FREM1: variants seen among roughly 807,000 people sequenced by gnomAD.
The protein encoded by FREM1 is FRAS1-related extracellular matrix protein 1.
A neutral mutation model predicts 210.1 loss-of-function variants in FREM1; 220 were observed. The observed-to-expected ratio is 1.05, with a 90% CI of 0.94 to 1.17. The LOEUF is 1.17. FREM1 is among the 50% of genes most tolerant of loss of function. FREM1 has a pLI of 0.00. For synonymous variants in FREM1, 1,189 were observed against 980.2 expected, an observed-to-expected ratio of 1.21 and a Z score of -3.98; for missense variants, 3,454 against 2,675.5, an observed-to-expected ratio of 1.29 and a Z score of -6.42.
At chr9:14,756,921 T>A (rs901565465) in intron 28 of FREM1, among the ~76,000 whole-genome samples, 3 of 152,178 alleles carry the variant, frequency 2.0e-5, no homozygotes, top group Non-Finnish European at 4.4e-5. Flanking sequence ...TCCAGGGCAC[T>A]GAAAGCCTTT....
Position 14,813,016 on chromosome 9 carries a change from G to C in FREM1, c.2689C>G (p.Pro897Ala). The change falls in exon 16 of 37, where the codon CCT becomes GCT. Residue 897 changes from proline (P) to alanine (A), a missense_variant. Coordinates refer to ENST00000380880, the MANE Select transcript of FREM1 (RefSeq NM_001379081.2). ...EPPVLKADLM[P>A]VMNCSEGGEV... ...CCTCCCTCTGAGCAATTCATGACAG[G>C]CATGAGGTCAGCCTTTAAGACTGGT... 1 of 1,613,722 alleles carries C rather than the reference G, an allele frequency of 6.2e-7. No individual in the cohort carries two copies. The highest frequency in any genetic ancestry group is 8.5e-7 in the Non-Finnish European group (1 of 1,179,720).
chr9:14,759,652 G>C, intron 28 of FREM1, 120 bp downstream of exon 28: 1 of 866,356 alleles, frequency 1.2e-6, no homozygotes. Flanking sequence ...AGAATAGTGG[G>C]ATCTCCCTGC....
intron 17 of FREM1, among the ~76,000 whole-genome samples, chr9:14,807,095 G>C (rs1001942943): frequency 2.6e-5 from 4 of 152,208 alleles, no homozygotes; most frequent in Non-Finnish European, 5.9e-5. Flanking sequence ...GAAGATAACA[G>C]AAAGCCAGCA....
At position 14,765,788 on chromosome 9, in the gene FREM1, C is replaced by T. The variant is rs142588647; in HGVS notation, c.5204+3936G>A. On this transcript the variant is annotated intron_variant, in intron 27 of 36. Transcript: ENST00000380880. Reference sequence around the variant, plus strand: ...GAGGTGAAGAATCAGAGTGCAGAACCGGAGAAACAGTCACTGAATTATCAA... The same window carrying T: ...GAGGTGAAGAATCAGAGTGCAGAACTGGAGAAACAGTCACTGAATTATCAA... Among the ~76,000 whole-genome samples, 504 of 152,246 alleles carry T rather than the reference C, an allele frequency of 3.3e-3. 1 individual carries two copies. The highest frequency in any genetic ancestry group is 6.8e-3 in the Middle Eastern group (2 of 294).
rs35171130 is a variant in FREM1, at chr9:14,777,788, AC to A, written c.4443-1586del. Among the ~76,000 whole-genome samples, 162 of 152,192 alleles carry A rather than the reference AC, an allele frequency of 1.1e-3. 1 individual carries two copies. In the East Asian group the frequency reaches 0.023, roughly 21 times the overall value. ...CATTGATCCTTTTGAGCATGAAGAA[AC>A]CTGAAGCTATTAGATAGTGTGAAAG... On this transcript the variant is annotated intron_variant, in intron 24 of 36. Transcript: ENST00000380880.
rs1824617228 is a variant in FREM1, at chr9:14,836,381, G to T, written c.1881+5066C>A. On this transcript the variant is annotated intron_variant, in intron 10 of 36. Coordinates refer to ENST00000380880, the MANE Select transcript of FREM1 (RefSeq NM_001379081.2). The surrounding 1 kb of genome is among the most constrained non-coding windows in gnomAD (Gnocchi z 4.9). ...AGTTTTACTATCACTAAGTCTGCTA[G>T]GATTTTTTATTGGATTTAGTGATGC... is the stretch of plus-strand genomic sequence containing the variant. 6.6e-6 allele frequency among the ~76,000 whole-genome samples: 1 copy of T among 152,164 alleles called. No homozygotes were observed. Among genetic ancestry groups the T allele is most frequent in the South Asian group, 2.1e-4 (1 of 4,832 alleles).
intron 3 of FREM1, among the ~76,000 whole-genome samples, chr9:14,859,988 C>T (rs146747231): frequency 1.1e-4 from 17 of 152,224 alleles, no homozygotes; most frequent in African/African-American, 3.6e-4. Flanking sequence ...ATTGCCACTT[C>T]CATTCCCTCC....
At chr9:14,790,948 A>G (rs544888294) in intron 22 of FREM1, 2 of 152,350 alleles carry the variant, frequency 1.3e-5, no homozygotes, top group South Asian at 4.1e-4. Context: ...TAAATCAGTG[A>G]TTGCTCTTCA....
At chr9:14,883,083 G>A (rs942193517) in intron 1 of FREM1, among the ~76,000 whole-genome samples, 16 of 152,006 alleles carry the variant, frequency 1.1e-4, no homozygotes, top group Non-Finnish European at 7.4e-5. Context: ...GAAAAACAGA[G>A]TAGAAGGAAT....
intron 6 of FREM1, among the ~76,000 whole-genome samples, chr9:14,849,483 G>C (rs528182715): frequency 2.6e-5 from 4 of 152,216 alleles, no homozygotes; most frequent in African/African-American, 4.8e-5. Context: ...GATGTTGACA[G>C]AGAAGAATGA....
At chr9:14,781,532 T>C (rs12001374) in intron 24 of FREM1, among the ~76,000 whole-genome samples, 15,925 of 152,184 alleles carry the variant, frequency 0.1, 1,602 homozygotes, top group African/African-American at 0.25. Flanking sequence ...AACTGAATAC[T>C]TGCAAGCATA....
chr9:14,854,226 C>A (rs1296003915), intron 5 of FREM1, among the ~76,000 whole-genome samples: 3 of 152,058 alleles, frequency 2.0e-5, no homozygotes, highest in African/African-American at 7.2e-5. Context: ...GCAAAGAAAA[C>A]ATCATTTATT....
At chr9:14,876,139 T>A (rs1833683457) in intron 1 of FREM1, among the ~76,000 whole-genome samples, 1 of 152,158 alleles carries the variant, frequency 6.6e-6, no homozygotes, top group South Asian at 2.1e-4. Context: ...AGGGACCCAC[T>A]TGAGGAGGCA....
At chr9:14,825,078 G>C in intron 10 of FREM1, 86 bp from the exon 11 acceptor site, 1 of 878,362 alleles carries the variant, frequency 1.1e-6, no homozygotes. Context: ...TCACAGTTAA[G>C]ATAATTTCTA....
intron 13 of FREM1, among the ~76,000 whole-genome samples, chr9:14,820,998 A>G (rs1469335216): frequency 1.3e-5 from 2 of 152,126 alleles, no homozygotes; most frequent in South Asian, 2.1e-4. Flanking sequence ...TTAAATATAT[A>G]TTTTAGGGCA....
chr9:14,746,139 C>G (rs1341393541), intron 35 of FREM1, among the ~76,000 whole-genome samples: 1 of 152,106 alleles, frequency 6.6e-6, no homozygotes, highest in Non-Finnish European at 1.5e-5. Flanking sequence ...ATGGCAAAAA[C>G]TGCAAGTACT....
chr9:14,754,814 G>A (rs745430111), intron 29 of FREM1, among the ~76,000 whole-genome samples: 1 of 152,132 alleles, frequency 6.6e-6, no homozygotes, highest in Non-Finnish European at 1.5e-5. Context: ...TGCGCCTGTA[G>A]TCCCAGCTAC....
chr9:14,807,322 G>C (rs998495773), intron 17 of FREM1, among the ~76,000 whole-genome samples: 6 of 152,170 alleles, frequency 3.9e-5, no homozygotes, highest in Non-Finnish European at 2.9e-5. Context: ...TCATAACGAA[G>C]AGTTTTTTCG....
intron 1 of FREM1, among the ~76,000 whole-genome samples, chr9:14,896,997 T>G (rs1481248600): frequency 6.6e-6 from 1 of 152,202 alleles, no homozygotes; most frequent in Non-Finnish European, 1.5e-5. Context: ...ACCATGAATA[T>G]TTTTGTAAAG....
Sources: gnomAD v4.1 joint callset for allele counts (sites outside exome capture counted in the v4.1 genomes callset) on GRCh38, gnomAD v4.1.1 for gene constraint, Gnocchi (gnomAD v3.1) non-coding constraint, MANE v1.5 for transcripts, NCBI Gene and HGNC (gene_info 2026-07-23, HGNC 2026-07-21) for gene names.